Variants in MTUS2 observed in about 807,000 individuals in gnomAD.
MTUS2 encodes microtubule-associated tumor suppressor candidate 2.
A neutral mutation model predicts 114.1 loss-of-function variants in MTUS2; 40 were observed. That is an observed-to-expected ratio of 0.35 (90% CI 0.27 to 0.46). The LOEUF (loss-of-function observed/expected upper bound fraction) is 0.46, where lower values mean the gene tolerates loss of function less well. MTUS2 is among the 20% of genes least tolerant of loss of function. MTUS2 has a pLI of 1.00. For missense variants in MTUS2, 1,679 were observed against 1,705.4 expected (o/e 0.98, Z 0.27); for synonymous variants, 688 against 672.0 (o/e 1.02, Z -0.37).
chr13:29,002,448 A>G (rs1258298426), intron 2 of MTUS2, among the ~76,000 whole-genome samples: 8 of 152,240 alleles, frequency 5.3e-5, no homozygotes, highest in Admixed American at 3.9e-4. Context: ...TTCAATTTAT[A>G]CAGAATTTGA....
chr13:29,228,395 A>T (rs1896194436), intron 5 of MTUS2, among the ~76,000 whole-genome samples: 1 of 152,150 alleles, frequency 6.6e-6, no homozygotes, highest in Admixed American at 6.5e-5. Flanking sequence ...ACCATAGCTC[A>T]CTGCAGCCAC....
chr13:29,192,802 A>C (rs1258444922), intron 5 of MTUS2, among the ~76,000 whole-genome samples: 1 of 152,210 alleles, frequency 6.6e-6, no homozygotes, highest in Non-Finnish European at 1.5e-5. Flanking sequence ...CTTTGAACCC[A>C]AACTGGTGTA....
intron 5 of MTUS2, among the ~76,000 whole-genome samples, chr13:29,209,933 T>C (rs1279534412): frequency 2.6e-5 from 4 of 152,174 alleles, no homozygotes; most frequent in East Asian, 1.9e-4. Flanking sequence ...GCAATAAATT[T>C]CGCGGGTGTT....
chr13:29,005,456 A>G (rs774100653), intron 2 of MTUS2, among the ~76,000 whole-genome samples: 27 of 152,206 alleles, frequency 1.8e-4, no homozygotes, highest in Non-Finnish European at 3.5e-4. Context: ...CTGGTACAGA[A>G]AGGGATCTGC....
intron 2 of MTUS2, among the ~76,000 whole-genome samples, chr13:28,947,569 T>A (rs1882598040): frequency 6.6e-6 from 1 of 152,210 alleles, no homozygotes; most frequent in Non-Finnish European, 1.5e-5. Flanking sequence ...TTATTGCTGT[T>A]AATGGAAACA....
intron 6 of MTUS2, among the ~76,000 whole-genome samples, chr13:29,295,669 C>T (rs1266583132): frequency 6.6e-6 from 1 of 152,070 alleles, no homozygotes; most frequent in East Asian, 1.9e-4. Context: ...ATTTTCATAC[C>T]ACTATGAAGA....
intron 1 of MTUS2, among the ~76,000 whole-genome samples, chr13:28,828,129 T>A (rs975782000): frequency 6.6e-6 from 1 of 152,172 alleles, no homozygotes; most frequent in Non-Finnish European, 1.5e-5. Flanking sequence ...GACCTCCCCT[T>A]GGGAATGCAT....
chr13:29,371,222 C>A (rs1028111483), intron 8 of MTUS2, among the ~76,000 whole-genome samples: 3 of 150,924 alleles, frequency 2.0e-5, no homozygotes, highest in South Asian at 4.2e-4. Context: ...TTAACCACCC[C>A]CCCCCCCTTT....
At chr13:29,501,338 A>T in intron 15 of MTUS2, 144 bp downstream of exon 15, 1 of 641,718 alleles carries the variant, frequency 1.6e-6, no homozygotes, top group South Asian at 2.0e-5. Flanking sequence ...ACAAGAACAA[A>T]CCCCTGCGGC....
At position 29,350,043 on chromosome 13, in the gene MTUS2, C is replaced by G. The variant is rs1256872528; in HGVS notation, c.2906-9219C>G. On this transcript the variant is annotated intron_variant, in intron 7 of 15. Transcript: ENST00000612955. ...CAGAGCTCCTGTTCAAAGTGATATT[C>G]TGTTCATTTCTTTGAGTATTTCTTC... Among the ~76,000 whole-genome samples, 4 of 152,062 alleles carry G rather than the reference C, an allele frequency of 2.6e-5. No homozygotes were observed. In the East Asian group the frequency reaches 5.8e-4, roughly 22 times the overall value.
At chr13:29,130,613 CATTT>C in intron 5 of MTUS2, among the ~76,000 whole-genome samples, 1 of 152,170 alleles carries the variant, frequency 6.6e-6, no homozygotes, top group Admixed American at 6.5e-5. Context: ...AATTTCTACA[CATTT>C]ATTTATTTAT....
intron 7 of MTUS2, among the ~76,000 whole-genome samples, chr13:29,325,673 C>A (rs1900478853): frequency 6.6e-6 from 1 of 152,092 alleles, no homozygotes; most frequent in African/African-American, 2.4e-5. Flanking sequence ...TTTCTTTAAG[C>A]CCAAAAATGG....
chr13:28,998,613 C>G (rs909828735), intron 2 of MTUS2, among the ~76,000 whole-genome samples: 9 of 152,164 alleles, frequency 5.9e-5, no homozygotes, highest in African/African-American at 2.2e-4. Flanking sequence ...TTTCTCTAAA[C>G]TTCTCTTCAC....
At chr13:28,966,452 T>C (rs969902832) in intron 2 of MTUS2, among the ~76,000 whole-genome samples, 1 of 152,128 alleles carries the variant, frequency 6.6e-6, no homozygotes, top group Non-Finnish European at 1.5e-5. Flanking sequence ...CTGGGTGCAA[T>C]GGGTCACACC....
At chr13:29,456,807 T>G (rs1464766740) in intron 9 of MTUS2, among the ~76,000 whole-genome samples, 2 of 152,010 alleles carry the variant, frequency 1.3e-5, no homozygotes, top group Non-Finnish European at 2.9e-5. Flanking sequence ...GTATAGGAAA[T>G]AATTAAGATG....
chr13:29,164,533 A>G (rs1312914975), intron 5 of MTUS2, among the ~76,000 whole-genome samples: 1 of 152,200 alleles, frequency 6.6e-6, no homozygotes, highest in Admixed American at 6.5e-5. Flanking sequence ...TCTTGGGGAA[A>G]AGCCTTTTTA....
chr13:29,113,471 C>A (rs535052558), intron 5 of MTUS2, among the ~76,000 whole-genome samples: 2 of 152,224 alleles, frequency 1.3e-5, no homozygotes, highest in African/African-American at 4.8e-5. Flanking sequence ...TGTGCCCAAT[C>A]GAAATTTCTG....
At chr13:29,182,707 ATGTATGAAGGG>A (rs1221804329) in intron 5 of MTUS2, among the ~76,000 whole-genome samples, 3 of 152,238 alleles carry the variant, frequency 2.0e-5, no homozygotes, top group African/African-American at 4.8e-5. Context: ...AGTGTGTGAT[ATGTATGAAGGG>A]AAAAGTCTGA....
chr13:28,999,685 G>T (rs971239956), intron 2 of MTUS2, among the ~76,000 whole-genome samples: 1 of 152,076 alleles, frequency 6.6e-6, no homozygotes, highest in Non-Finnish European at 1.5e-5. Context: ...ATTGTTAACT[G>T]TAGTCACCCT....
Sources: gnomAD v4.1 joint callset for allele counts (sites outside exome capture counted in the v4.1 genomes callset) on GRCh38, gnomAD v4.1.1 for gene constraint, MANE v1.5 for transcripts, NCBI Gene and HGNC (gene_info 2026-07-23, HGNC 2026-07-21) for gene names.